Variants in FLG observed in about 807,000 individuals in gnomAD.
FLG encodes the protein epidermal filaggrin.
Under a neutral mutation model 3.8 loss-of-function variants are expected in FLG, and 6 were observed. That is an observed-to-expected ratio of 1.60 (90% CI 0.87 to 3.15). The LOEUF is 3.15. Among genes scored for constraint, FLG ranks in the 30% most tolerant of loss-of-function variants. FLG has a pLI of 0.00. For missense variants in FLG, 7,595 were observed against 5,050.9 expected (o/e 1.50, Z -15.27); for synonymous variants, 2,551 against 1,931.6 (o/e 1.32, Z -8.41).
In FLG at chr1:152,305,639, T is replaced by C. The variant is rs765383563; in HGVS notation, c.9247A>G (p.Thr3083Ala). ...TGGCGGGATCCTTGTCTTCCTCTAGTGCTGGGCCCCGTCCATCCATGGGAG... is the reference window on the plus strand; with the variant it reads ...TGGCGGGATCCTTGTCTTCCTCTAGCGCTGGGCCCCGTCCATCCATGGGAG... ...ESSHGWTGPS[T>A]RGRQGSRHEQ... Residue 3083 changes from threonine to alanine, a missense_variant, in exon 3 of 3, where the codon ACT (threonine) becomes GCT (alanine). Physicochemically the swap from Thr to Ala is moderately conservative, Grantham distance 58. Transcript: ENST00000368799. The C allele has an allele frequency of 1.2e-5, 18 of 1,462,794 alleles. 1 individual carries two copies. The highest frequency in any genetic ancestry group is 6.4e-5 in the Admixed American group (3 of 46,700). The allele number at this position is 1,462,794 out of a possible 1,614,324, so 90.6% of individuals were successfully genotyped here.
At position 152,310,333 on chromosome 1, in the gene FLG, T is replaced by C; in HGVS notation, c.4553A>G (p.His1518Arg). The C allele has an allele frequency of 1.9e-6, 3 of 1,613,948 alleles. No homozygotes were observed. Among genetic ancestry groups the C allele is most frequent in the Non-Finnish European group, 2.5e-6 (3 of 1,179,988 alleles). ...TCCCTGGGGTGTGGTGTGGCTGTGA[T>C]GGTACCCTGAGTGTCCAGACCTATC... ...SVDRSGHSGY[H>R]HSHTTPQGRS... Residue 1518 changes from histidine (H) to arginine (R), a missense_variant, in exon 3 of 3, where the codon CAT (histidine) becomes CGT (arginine). Physicochemically the swap from His to Arg is conservative, Grantham distance 29. Coordinates refer to ENST00000368799, the MANE Select transcript of FLG (RefSeq NM_002016.2).
rs527524627 is a variant in FLG, at chr1:152,308,513, T to C, written c.6373A>G (p.Ser2125Gly). The change falls in exon 3 of 3, where the codon AGC becomes GGC. Residue 2125 changes from serine to glycine, a missense_variant. Transcript: ENST00000368799. ...TCTTGGGATGCTGAGTGCCTGGAGC[T>C]GTCTTGTGCCTGATCATAATGGGAT... ...QGSHYDQAQD[S>G]SRHSASQEGQ... is the part of the protein sequence containing the mutation. 109 of 1,613,660 alleles carry C rather than the reference T, an allele frequency of 6.8e-5. No homozygotes were observed. The South Asian group carries it at 1.1e-3, about 16-fold the overall frequency.
chr1:152,309,790 C>T lies in FLG; in HGVS notation c.5096G>A (p.Arg1699His), dbSNP rs778016068. 2.0e-5 allele frequency: 32 copies of T among 1,613,822 alleles called. No homozygotes were observed. The highest frequency in any genetic ancestry group is 8.3e-5 in the Admixed American group (5 of 59,988). Residue 1699 changes from arginine to histidine, a missense_variant, in exon 3 of 3, where the codon CGC (arginine) becomes CAC (histidine). Coordinates refer to ENST00000368799, the MANE Select transcript of FLG (RefSeq NM_002016.2). ...TCCGACTACAGATGAATCTTGTCTG[C>T]GCCCAGTGCCTGAGTCTGTGGAGCT... ...ADSSTDSGTG[R>H]RQDSSVVGDS...
rs769905667 is a variant in FLG at position 152,313,989 on chromosome 1, C to T, written c.897G>A (p.Gln299=). The change falls in exon 3 of 3, where the codon CAG becomes CAA. Residue 299 remains glutamine (Q), a synonymous_variant. Coordinates refer to ENST00000368799, the MANE Select transcript of FLG (RefSeq NM_002016.2). ...CTGAGTGTCCCTCACTGTCCCTGTC[C>T]TGGCTAACTCTGGATCCCCTACGCT... ...TRKRRGSRVS[Q]DRDSEGHSED... 1 of 1,614,222 alleles carries T rather than the reference C, an allele frequency of 6.2e-7. No homozygotes were observed.
Position 152,311,078 on chromosome 1 carries a change from C to T in FLG, c.3808G>A (p.Val1270Ile). Residue 1270 changes from valine (V) to isoleucine (I), a missense_variant, in exon 3 of 3, where the codon GTT becomes ATT. Val to Ile is a conservative substitution (Grantham distance 29). Coordinates refer to ENST00000368799, the MANE Select transcript of FLG (RefSeq NM_002016.2). ...CTCTCACTGTCACTGTCCTGGCTAA[C>T]ACTGGATCCCTGGTGCCTGCTTGTC... The part of the protein sequence containing the change: ...SRTSRHQGSS[V>I]SQDSDSERHS... The T allele has an allele frequency of 6.2e-7, 1 of 1,614,008 alleles. No individual in the cohort carries two copies.
At position 152,313,811 on chromosome 1, in the gene FLG, G is replaced by A. The variant is rs573346992; in HGVS notation, c.1075C>T (p.Arg359Cys). 42 of 1,614,064 alleles carry A rather than the reference G, an allele frequency of 2.6e-5. No individual in the cohort carries two copies. Among genetic ancestry groups the A allele is most frequent in the Admixed American group, 6.7e-5 (4 of 60,012 alleles). The change falls in exon 3 of 3, where the codon CGT (arginine) becomes TGT (cysteine). Residue 359 changes from arginine to cysteine, a missense_variant. By Grantham distance (180) the Arg-to-Cys change is radical. Coordinates refer to ENST00000368799, the MANE Select transcript of FLG (RefSeq NM_002016.2). ...SADSSRQSGT[R>C]HAETSSRGQT... is the part of the protein sequence containing the mutation. ...CCACGAGAGGAAGTCTCTGCGTGACGAGTGCCTGATTGTCTGGAGCTGTCT... is the reference window on the plus strand; with the variant it reads ...CCACGAGAGGAAGTCTCTGCGTGACAAGTGCCTGATTGTCTGGAGCTGTCT...
At position 152,303,611 on chromosome 1, in the gene FLG, G is replaced by A. The variant is rs756330015; in HGVS notation, c.11275C>T (p.Arg3759Cys). Residue 3759 changes from arginine (R) to cysteine (C), a missense_variant, in exon 3 of 3, where the codon CGT becomes TGT. By Grantham distance (180) the Arg-to-Cys change is radical. Coordinates refer to ENST00000368799, the MANE Select transcript of FLG (RefSeq NM_002016.2). Reference protein sequence around the residue: ...SASQEGQDTIRGHPGSRRGGR... With the variant: ...SASQEGQDTICGHPGSRRGGR... The stretch of plus-strand genomic sequence containing the variant: ...CCTCTCCTTGACCCCGGGTGTCCAC[G>A]AATGGTGTCCTGACCCTCTTGGGAC... The A allele has an allele frequency of 1.9e-5, 31 of 1,613,882 alleles. No homozygotes were observed. Among genetic ancestry groups the A allele is most frequent in the Non-Finnish European group, 2.5e-5 (29 of 1,179,988 alleles).
In FLG at chr1:152,313,511, C is replaced by G. The variant is rs2101651925; in HGVS notation, c.1375G>C (p.Gly459Arg). 1 of 1,613,974 alleles carries G rather than the reference C, an allele frequency of 6.2e-7. No individual in the cohort carries two copies. The highest frequency in any genetic ancestry group is 1.1e-5 in the South Asian group (1 of 91,048). ...GACCCTGAACGTCCAGACCGTTCCC[C>G]TGACCGGCCACGTGTGGACTCTTGG... ...SHQESTRGRS[G>R]ERSGRSGSSL... is the part of the protein sequence containing the mutation. Residue 459 changes from glycine (G) to arginine (R), a missense_variant, in exon 3 of 3, where the codon GGG becomes CGG. By Grantham distance (125) the Gly-to-Arg change is moderately radical (BLOSUM62 -2). Coordinates refer to ENST00000368799, the MANE Select transcript of FLG (RefSeq NM_002016.2).
chr1:152,314,756 A>C lies in FLG; in HGVS notation c.139-9T>G, dbSNP rs369354507. On this transcript the variant is annotated splice_polypyrimidine_tract_variant and intron_variant, in intron 2 of 2. Coordinates refer to ENST00000368799, the MANE Select transcript of FLG (RefSeq NM_002016.2). ...TCTGGGTCATCTGGATTCTGTACAG[A>C]GGGAAGTCACAGAGGGAGACTGCAT... 7 of 1,613,936 alleles carry C rather than the reference A, an allele frequency of 4.3e-6. No homozygotes were observed. In the South Asian group the frequency reaches 6.6e-5, roughly 15 times the overall value.
chr1:152,312,231 C>T lies in FLG; in HGVS notation c.2655G>A (p.Gly885=), dbSNP rs770905488. 1 of 1,613,562 alleles carries T rather than the reference C, an allele frequency of 6.2e-7. No homozygotes were observed. Among genetic ancestry groups the T allele is most frequent in the Non-Finnish European group, 8.5e-7 (1 of 1,179,952 alleles). The change falls in exon 3 of 3, where the codon GGG becomes GGA. Residue 885 remains glycine, a synonymous_variant. Transcript: ENST00000368799. ...TSQGRSDASR[G]QSGSRSASRT... ...TGCTTGCACTTCTGGATCCTGACTG[C>T]CCACGGGAGGCATCAGACCTTCCCT...
rs1288393390 is a variant in FLG, at chr1:152,309,411, C to T, written c.5475G>A (p.Gln1825=). ...CTACCGATTGCTCATAGTGGGATCCCTGCCTTCCTCCTCTGCTTGACCCTG... is the reference window on the plus strand; with the variant it reads ...CTACCGATTGCTCATAGTGGGATCCTTGCCTTCCTCCTCTGCTTGACCCTG... The part of the protein sequence containing the change: ...GHPGSSRGGR[Q]GSHYEQSVDS... Residue 1825 remains glutamine (Q), a synonymous_variant, in exon 3 of 3, where the codon CAG becomes CAA. Transcript: ENST00000368799. 4 of 1,613,758 alleles carry T rather than the reference C, an allele frequency of 2.5e-6. No individual in the cohort carries two copies. Among genetic ancestry groups the T allele is most frequent in the East Asian group, 2.2e-5 (1 of 44,774 alleles).
chr1:152,304,929 C>T lies in FLG; in HGVS notation c.9957G>A (p.Pro3319=), dbSNP rs774241945. The T allele has an allele frequency of 2.5e-5, 41 of 1,613,564 alleles. 1 individual carries two copies. The highest frequency in any genetic ancestry group is 6.6e-5 in the South Asian group (6 of 90,992). The change falls in exon 3 of 3, where the codon CCG becomes CCA. Residue 3319 remains proline, a synonymous_variant. Transcript: ENST00000368799. The part of the protein sequence containing the change: ...SADSSRHSGI[P]RGQASSAVRD... ...TGACTGCAGATGAAGCTTGTCCACG[C>T]GGAATGCCTGAGTGTCTGGAGCTGT...
rs1453617624 is a variant in FLG at position 152,309,574 on chromosome 1, G to A, written c.5312C>T (p.Thr1771Ile). ...RSGSFLYQVS[T>I]HEQSESAHGR... The stretch of plus-strand genomic sequence containing the variant: ...ATGGGCGGACTCAGACTGTTCATGA[G>A]TGCTCACCTGGTAGAGGAAAGACCC... The change falls in exon 3 of 3, where the codon ACT becomes ATT. Residue 1771 changes from threonine to isoleucine, a missense_variant. By Grantham distance (89) the Thr-to-Ile change is moderately conservative (BLOSUM62 -1). Coordinates refer to ENST00000368799, the MANE Select transcript of FLG (RefSeq NM_002016.2). 6 of 1,613,756 alleles carry A rather than the reference G, an allele frequency of 3.7e-6. No individual in the cohort carries two copies. The highest frequency in any genetic ancestry group is 2.7e-5 in the African/African-American group (2 of 74,816).
In FLG at chr1:152,308,049, G is replaced by T; in HGVS notation, c.6837C>A (p.Ser2279=). Residue 2279 remains serine (S), a synonymous_variant, in exon 3 of 3, where the codon TCC becomes TCA. Transcript: ENST00000368799. ...GSAQEQSRDG[S]RHPRSHHEDR... ...CTTCGTGATGGGACCTGGGGTGTCT[G>T]GAGCCATCTCTTGACTGCTCCTGAG... The T allele has an allele frequency of 1.2e-6, 2 of 1,614,132 alleles. No individual in the cohort carries two copies. Among genetic ancestry groups the T allele is most frequent in the Non-Finnish European group, 1.7e-6 (2 of 1,180,022 alleles).
At chr1:152,317,839 T>C (rs1277753708) in intron 1 of FLG, among the ~76,000 whole-genome samples, 1 of 152,060 alleles carries the variant, frequency 6.6e-6, no homozygotes, top group Non-Finnish European at 1.5e-5. Context: ...GATTTTCAAC[T>C]GCTTTACCCT....
At position 152,310,379 on chromosome 1, in the gene FLG, A is replaced by T; in HGVS notation, c.4507T>A (p.Ser1503Thr). The change falls in exon 3 of 3, where the codon TCC becomes ACC. Residue 1503 changes from serine (S) to threonine (T), a missense_variant. Transcript: ENST00000368799. ...CTATCTACTGATTGCTCGTGGTAGG[A>T]TCCCTGCCTTCCTCCTCTGCTTGAC... ...PGSSRGGRQG[S>T]YHEQSVDRSG... The T allele has an allele frequency of 6.2e-7, 1 of 1,613,488 alleles. No individual in the cohort carries two copies. The highest frequency in any genetic ancestry group is 8.5e-7 in the Non-Finnish European group (1 of 1,179,924).
In FLG at chr1:152,302,502, A is replaced by C. The variant is rs1218712893; in HGVS notation, c.*198T>G. 5.9e-6 allele frequency: 4 copies of C among 677,598 alleles called. No homozygotes were observed. The highest frequency in any genetic ancestry group is 9.6e-6 in the Non-Finnish European group (4 of 415,000). The allele number at this position is 677,598 out of a possible 1,614,324, so 42.0% of individuals were successfully genotyped here. A position where few individuals can be genotyped will look rare whatever the true frequency, so the allele number is the denominator to read the frequency against. On this transcript the variant is annotated 3_prime_UTR_variant, in exon 3 of 3. Coordinates refer to ENST00000368799, the MANE Select transcript of FLG (RefSeq NM_002016.2). ...TCCATGATATTGATTTCTTCCATTT[A>C]ATATTTCTGAAATATAGCGTTTAAA...
At position 152,305,015 on chromosome 1, in the gene FLG, G is replaced by T; in HGVS notation, c.9871C>A (p.His3291Asn). The change falls in exon 3 of 3, where the codon CAT becomes AAT. Residue 3291 changes from histidine to asparagine, a missense_variant. By Grantham distance (68) the His-to-Asn change is moderately conservative. Transcript: ENST00000368799. ...TSSGGQAASS[H>N]EQARSSPGER... ...CCTGGACTTGATCTTGCCTGTTCAT[G>T]GGATGATGCAGCCTGTCCACCAGAG... 6.2e-7 allele frequency: 1 copy of T among 1,613,942 alleles called. No homozygotes were observed. The highest frequency in any genetic ancestry group is 1.1e-5 in the South Asian group (1 of 91,024).
Position 152,310,581 on chromosome 1 carries a change from A to G in FLG, c.4305T>C (p.Ser1435=). The part of the protein sequence containing the change: ...ESARGQSGES[S]GRSRSFLYQV... Reference sequence around the variant, plus strand: ...GGTAGAGGAAAGACCTTGAACGTCCAGAGCTTTCCCCTGACTGGCCACGTG... The same window carrying G: ...GGTAGAGGAAAGACCTTGAACGTCCGGAGCTTTCCCCTGACTGGCCACGTG... The change falls in exon 3 of 3, where the codon TCT becomes TCC. Residue 1435 remains serine, a synonymous_variant. Transcript: ENST00000368799. 6.2e-7 allele frequency: 1 copy of G among 1,613,962 alleles called. No homozygotes were observed. The highest frequency in any genetic ancestry group is 8.5e-7 in the Non-Finnish European group (1 of 1,179,964).
Sources: allele counts gnomAD v4.1 joint callset (sites outside exome capture counted in the v4.1 genomes callset), GRCh38; gene constraint gnomAD v4.1.1; transcripts MANE v1.5; gene names NCBI Gene and HGNC (gene_info 2026-07-23, HGNC 2026-07-21).